AGAP1: variants seen among roughly 807,000 people sequenced by gnomAD.
AGAP1 encodes the protein ArfGAP with GTPase domain, ankyrin repeat and PH domain 1, also known as arf-GAP with GTPase, ANK repeat and PH domain-containing protein 1.
AGAP1 carries 29 observed loss-of-function variants against 105.3 expected under a neutral mutation model. The observed-to-expected ratio is 0.28, with a 90% CI of 0.21 to 0.38. AGAP1 has a LOEUF of 0.38. Among genes scored for constraint, AGAP1 ranks in the 10% least tolerant of loss-of-function variants. The pLI is 1.00. For synonymous variants in AGAP1, 509 were observed against 485.9 expected (o/e 1.05, Z -0.63); for missense variants, 998 against 1,165.1 (o/e 0.86, Z 2.09).
rs1253779016 is a variant in AGAP1 at position 235,971,905 on chromosome 2, A to G, written c.1645+3282A>G. On this transcript the variant is annotated intron_variant, in intron 13 of 17. Coordinates refer to ENST00000304032, the MANE Select transcript of AGAP1 (RefSeq NM_001037131.3). This position sits in a 1 kb window ranked among gnomAD's most constrained non-coding sequence, Gnocchi z 4.8. ...GTGATCTTCCCACCTCAGCCTCCCA[A>G]GTAGCTGGGACCACAGGCAGGCACC... Among the ~76,000 whole-genome samples, 13 of 150,860 alleles carry G rather than the reference A, an allele frequency of 8.6e-5. No homozygotes were observed. Among genetic ancestry groups the G allele is most frequent in the Non-Finnish European group, 1.3e-4 (9 of 67,714 alleles).
rs1331969512 is a variant in AGAP1, at chr2:235,615,949, A to C, written c.164-93230A>C. On this transcript the variant is annotated intron_variant, in intron 1 of 17. Coordinates refer to ENST00000304032, the MANE Select transcript of AGAP1 (RefSeq NM_001037131.3). This position sits in a 1 kb window ranked among gnomAD's most constrained non-coding sequence, Gnocchi z 5.0. ...ATGTAAAGAGTTCTTATAAAACAAT[A>C]AGAAAAATATTTCCTAACTAAAGGA... Among the ~76,000 whole-genome samples, 1 of 152,228 alleles carries C rather than the reference A, an allele frequency of 6.6e-6. No individual in the cohort carries two copies. Among genetic ancestry groups the C allele is most frequent in the African/African-American group, 2.4e-5 (1 of 41,466 alleles).
chr2:236,018,805 C>T (rs948772570), intron 13 of AGAP1, among the ~76,000 whole-genome samples: 1 of 152,220 alleles, frequency 6.6e-6, no homozygotes, highest in Non-Finnish European at 1.5e-5. Flanking sequence ...GGATTTAGAG[C>T]TCGCCCCAGC....
At chr2:235,686,665 A>ATATTTTTTTT (rs1369766503) in intron 1 of AGAP1, among the ~76,000 whole-genome samples, 1 of 77,490 alleles carries the variant, frequency 1.3e-5, no homozygotes, top group African/African-American at 6.5e-5. Context: ...ATATATATAT[A>ATATTTTTTTT]TTTTTTTTTT....
chr2:235,696,856 C>T (rs112374556), intron 1 of AGAP1, among the ~76,000 whole-genome samples: 63 of 152,132 alleles, frequency 4.1e-4, no homozygotes, highest in African/African-American at 1.4e-3. Flanking sequence ...TGGTGGCACA[C>T]GTCTGTAATC....
At chr2:235,667,990 CTTT>C (rs1948183996) in intron 1 of AGAP1, among the ~76,000 whole-genome samples, 1 of 104,050 alleles carries the variant, frequency 9.6e-6, no homozygotes, top group Non-Finnish European at 2.2e-5. Context: ...AAAAAGTCTT[CTTT>C]ATTGAAACTC....
chr2:235,508,819 C>G (rs1290092433), intron 1 of AGAP1, among the ~76,000 whole-genome samples: 1 of 152,152 alleles, frequency 6.6e-6, no homozygotes, highest in African/African-American at 2.4e-5. Flanking sequence ...AGTTACTTTC[C>G]CCCTGTGCTG....
At chr2:235,765,472 C>A (rs1163929198) in intron 6 of AGAP1, among the ~76,000 whole-genome samples, 1 of 152,140 alleles carries the variant, frequency 6.6e-6, no homozygotes, top group Non-Finnish European at 1.5e-5. Context: ...CAGCAGCAGT[C>A]CAGCCTAAAA....
intron 1 of AGAP1, among the ~76,000 whole-genome samples, chr2:235,567,642 T>A (rs1944389316): frequency 6.7e-6 from 1 of 149,900 alleles, no homozygotes; most frequent in Non-Finnish European, 1.5e-5. Flanking sequence ...TCGCATACTG[T>A]GGGACTGGTG....
Position 235,799,594 on chromosome 2 carries a change from A to G in AGAP1, c.957+72A>G. ...TCCCATTAACGTAAACCTGGTTGCC[A>G]CATGGTTCAGTGGTATTTGTAGAAT... On this transcript the variant is annotated intron_variant, in intron 8 of 17. Transcript: ENST00000304032. This position sits in a 1 kb window ranked among gnomAD's most constrained non-coding sequence, Gnocchi z 5.0. 4 of 1,538,040 alleles carry G rather than the reference A, an allele frequency of 2.6e-6. No homozygotes were observed. Among genetic ancestry groups the G allele is most frequent in the Non-Finnish European group, 3.6e-6 (4 of 1,121,638 alleles).
rs1429668356 is a variant in AGAP1 at position 235,961,993 on chromosome 2, T to C, written c.1484-6469T>C. Among the ~76,000 whole-genome samples, 2 of 151,994 alleles carry C rather than the reference T, an allele frequency of 1.3e-5. No homozygotes were observed. Among genetic ancestry groups the C allele is most frequent in the Non-Finnish European group, 2.9e-5 (2 of 68,020 alleles). On this transcript the variant is annotated intron_variant, in intron 12 of 17. Transcript: ENST00000304032. The surrounding 1 kb of genome is among the most constrained non-coding windows in gnomAD (Gnocchi z 5.9). ...CCCATGGAGACTGCTGGGGACAGGCTGGGGCAGGGCGGGGTGGAGGGTGTC... is the reference window on the plus strand; with the variant it reads ...CCCATGGAGACTGCTGGGGACAGGCCGGGGCAGGGCGGGGTGGAGGGTGTC...
intron 1 of AGAP1, among the ~76,000 whole-genome samples, chr2:235,694,009 C>A (rs1186750099): frequency 6.6e-6 from 1 of 152,104 alleles, no homozygotes; most frequent in Non-Finnish European, 1.5e-5. Flanking sequence ...GTTAACTGTC[C>A]ATTTATCTTG....
At chr2:235,935,083 TCCATTTCGTGA>T (rs2052924733) in intron 12 of AGAP1, among the ~76,000 whole-genome samples, 1 of 152,170 alleles carries the variant, frequency 6.6e-6, no homozygotes, top group Non-Finnish European at 1.5e-5. Context: ...AAGAAAAGAA[TCCATTTCGTGA>T]AATGGAATGC....
chr2:235,663,877 G>C lies in AGAP1; in HGVS notation c.164-45302G>C, dbSNP rs1948042617. ...TGTAGAGGAAAATGTTACCAAATAG[G>C]CCTGTTCCCCTGTGCACCCAATACT... On this transcript the variant is annotated intron_variant, in intron 1 of 17. Transcript: ENST00000304032. The surrounding 1 kb of genome is among the most constrained non-coding windows in gnomAD (Gnocchi z 5.4). 6.6e-6 allele frequency among the ~76,000 whole-genome samples: 1 copy of C among 152,160 alleles called. No individual in the cohort carries two copies. The highest frequency in any genetic ancestry group is 2.4e-5 in the African/African-American group (1 of 41,444).
intron 8 of AGAP1, among the ~76,000 whole-genome samples, chr2:235,805,841 G>A (rs1957809076): frequency 6.6e-6 from 1 of 152,054 alleles, no homozygotes; most frequent in South Asian, 2.1e-4. Context: ...CTCATTCTAG[G>A]CATCCACCAA....
In AGAP1 at chr2:235,981,859, A is replaced by G. The variant is rs981620959; in HGVS notation, c.1645+13236A>G. Reference sequence around the variant, plus strand: ...CCGCCTCTAACACATCTCCACGGTGACCTTCCCTTCCCTTGGAAGGGGGCG... The same window carrying G: ...CCGCCTCTAACACATCTCCACGGTGGCCTTCCCTTCCCTTGGAAGGGGGCG... On this transcript the variant is annotated intron_variant, in intron 13 of 17. Transcript: ENST00000304032. The surrounding 1 kb of genome is among the most constrained non-coding windows in gnomAD (Gnocchi z 5.5). Among the ~76,000 whole-genome samples, 6 of 152,068 alleles carry G rather than the reference A, an allele frequency of 3.9e-5. No homozygotes were observed. The highest frequency in any genetic ancestry group is 5.9e-5 in the Non-Finnish European group (4 of 68,022).
At chr2:235,915,495 A>T (rs1473335669) in intron 11 of AGAP1, among the ~76,000 whole-genome samples, 1 of 152,010 alleles carries the variant, frequency 6.6e-6, no homozygotes, top group Admixed American at 6.5e-5. Context: ...TCTAGGCAAC[A>T]TGGTGAAACC....
At chr2:235,766,959 G>A (rs1955010290) in intron 6 of AGAP1, among the ~76,000 whole-genome samples, 1 of 148,198 alleles carries the variant, frequency 6.7e-6, no homozygotes. Flanking sequence ...TTTTGCCCAG[G>A]CTGGAGTTCA....
rs542967068 is a variant in AGAP1 at position 235,799,942 on chromosome 2, C to T, written c.957+420C>T. On this transcript the variant is annotated intron_variant, in intron 8 of 17. Coordinates refer to ENST00000304032, the MANE Select transcript of AGAP1 (RefSeq NM_001037131.3). The surrounding 1 kb of genome is among the most constrained non-coding windows in gnomAD (Gnocchi z 5.0). ...CTGCTGGGGTGCCTGGCGCTGCCCTCGGGGTGGAGGTGGGGGACTGGGAGG... is the reference window on the plus strand; with the variant it reads ...CTGCTGGGGTGCCTGGCGCTGCCCTTGGGGTGGAGGTGGGGGACTGGGAGG... 1.3e-5 allele frequency among the ~76,000 whole-genome samples: 2 copies of T among 152,010 alleles called. No individual in the cohort carries two copies. The highest frequency in any genetic ancestry group is 3.9e-4 in the East Asian group (2 of 5,142).
chr2:235,536,233 T>C (rs59626093), intron 1 of AGAP1, among the ~76,000 whole-genome samples: 2 of 6,374 alleles, frequency 3.1e-4, no homozygotes, highest in African/African-American at 9.8e-4. Context: ...AGCAGGACCC[T>C]GGGGTTTGTG....
Sources: gnomAD v4.1 joint callset for allele counts (sites outside exome capture counted in the v4.1 genomes callset) on GRCh38, gnomAD v4.1.1 for gene constraint, Gnocchi (gnomAD v3.1) non-coding constraint, MANE v1.5 for transcripts, NCBI Gene and HGNC (gene_info 2026-07-23, HGNC 2026-07-21) for gene names.